The following GLIS3 variants were observed in gnomAD, a reference collection of about 807,000 sequenced individuals.
GLIS3 encodes the protein zinc finger protein GLIS3.
GLIS3 carries 53 observed loss-of-function variants against 78.6 expected under a neutral mutation model. The observed-to-expected ratio is 0.67, with a 90% CI of 0.54 to 0.85. GLIS3 has a LOEUF of 0.85. GLIS3 is among the 40% of genes least tolerant of loss of function. The pLI is 0.00. For synonymous variants in GLIS3, 684 were observed against 509.9 expected (o/e 1.34, Z -4.60); for missense variants, 1,703 against 1,231.1 (o/e 1.38, Z -5.74).
intron 4 of GLIS3, among the ~76,000 whole-genome samples, chr9:4,075,827 T>C (rs1828002323): frequency 6.6e-6 from 1 of 151,938 alleles, no homozygotes; most frequent in Non-Finnish European, 1.5e-5. Flanking sequence ...TCAAGAACAT[T>C]ATACTGAGGA....
chr9:3,824,703 C>G lies in GLIS3; in HGVS notation c.*3569G>C, dbSNP rs913075531. 3 of 152,496 alleles carry G rather than the reference C, an allele frequency of 2.0e-5. No individual in the cohort carries two copies. The highest frequency in any genetic ancestry group is 7.2e-5 in the African/African-American group (3 of 41,382). The allele number at this position is 152,496 out of a possible 1,614,324, so 9.4% of individuals were successfully genotyped here. On this transcript the variant is annotated 3_prime_UTR_variant, in exon 11 of 11. Transcript: ENST00000381971. ...CTCTAGAGTAAAATCGGCCCCATATCCAGTATGATATATGCAGTTCATTTC... is the reference window on the plus strand; with the variant it reads ...CTCTAGAGTAAAATCGGCCCCATATGCAGTATGATATATGCAGTTCATTTC...
intron 2 of GLIS3, among the ~76,000 whole-genome samples, chr9:4,326,456 A>G (rs10758607): frequency 0.29 from 43,723 of 152,072 alleles, 8,029 homozygotes; most frequent in African/African-American, 0.53. Flanking sequence ...GTCACAAAAA[A>G]ATACTGTGAG....
the GLIS3 span, among the ~76,000 whole-genome samples, chr9:4,385,402 G>A: frequency 2.6e-5 from 4 of 152,284 alleles, no homozygotes; most frequent in East Asian, 1.9e-4. Context: ...AGTGGCTCAC[G>A]CCTATAATCC....
At chr9:3,867,995 C>CAG (rs1192948881) in intron 8 of GLIS3, among the ~76,000 whole-genome samples, 2 of 152,126 alleles carry the variant, frequency 1.3e-5, no homozygotes, top group Non-Finnish European at 2.9e-5. Context: ...GGGACACTAC[C>CAG]AGAGGATGAC....
the GLIS3 span, among the ~76,000 whole-genome samples, chr9:4,458,283 A>G: frequency 6.6e-6 from 1 of 152,330 alleles, no homozygotes; most frequent in East Asian, 1.9e-4. Context: ...CATGGCATGC[A>G]TTGTTCTAGG....
intron 2 of GLIS3, among the ~76,000 whole-genome samples, chr9:4,152,894 G>C (rs945952473): frequency 7.9e-5 from 12 of 152,194 alleles, no homozygotes; most frequent in African/African-American, 2.9e-4. Context: ...TTCTGGAGGA[G>C]AAAGCAACAT....
At chr9:4,106,396 G>A (rs543970131) in intron 4 of GLIS3, among the ~76,000 whole-genome samples, 2 of 152,272 alleles carry the variant, frequency 1.3e-5, no homozygotes, top group Admixed American at 6.5e-5. Context: ...TAAGAAGGGC[G>A]AATGCCGGTA....
At chr9:4,345,830 G>T (rs531605028) in intron 2 of GLIS3, among the ~76,000 whole-genome samples, 2 of 152,206 alleles carry the variant, frequency 1.3e-5, no homozygotes, top group African/African-American at 4.8e-5. Context: ...TTGGGGAAGT[G>T]GGGAGTAAGG....
rs767988875 is a variant in GLIS3, at chr9:4,286,410, A to C, written c.16T>G (p.Cys6Gly). The C allele has an allele frequency of 4.1e-5, 66 of 1,613,998 alleles. No homozygotes were observed. Among genetic ancestry groups the C allele is most frequent in the Non-Finnish European group, 5.4e-5 (64 of 1,180,058 alleles). Residue 6 changes from cysteine (C) to glycine (G), a missense_variant, in exon 2 of 11, where the codon TGC becomes GGC. Transcript: ENST00000381971. ...GATGTCCGGTGGAGACTCATGCTGC[A>C]TGATCTTCCATTCATTCTGAAAAAC... MNGRS[C>G]SMSLHRTSGT...
chr9:4,181,680 G>A (rs141537893), intron 2 of GLIS3, among the ~76,000 whole-genome samples: 161 of 152,334 alleles, frequency 1.1e-3, no homozygotes, highest in Admixed American at 4.1e-3. Flanking sequence ...CTTTGAAGCC[G>A]TACTTCACTG....
At chr9:4,215,327 ATGTGTGTGTG>A (rs34915075) in intron 2 of GLIS3, among the ~76,000 whole-genome samples, 7 of 150,444 alleles carry the variant, frequency 4.7e-5, no homozygotes, top group African/African-American at 1.2e-4. Flanking sequence ...GTGTGTGCAT[ATGTGTGTGTG>A]TGTGTGTGTG....
intron 6 of GLIS3, among the ~76,000 whole-genome samples, chr9:3,931,216 C>G (rs1825589120): frequency 6.6e-6 from 1 of 151,982 alleles, no homozygotes; most frequent in Non-Finnish European, 1.5e-5. Context: ...TTCTAACTCA[C>G]AGGGAAAGGG....
At chr9:4,368,299 A>T in the GLIS3 span, among the ~76,000 whole-genome samples, 1 of 152,010 alleles carries the variant, frequency 6.6e-6, no homozygotes, top group African/African-American at 2.4e-5. Flanking sequence ...CGAGGCAGAG[A>T]AATGAAAGAG....
chr9:4,325,507 A>AC (rs1817585849), intron 2 of GLIS3, among the ~76,000 whole-genome samples: 1 of 152,120 alleles, frequency 6.6e-6, no homozygotes, highest in South Asian at 2.1e-4. Flanking sequence ...AACCATCCCT[A>AC]CTTCACCTTC....
the GLIS3 span, among the ~76,000 whole-genome samples, chr9:4,407,781 A>G: frequency 6.6e-6 from 1 of 152,238 alleles, no homozygotes; most frequent in Non-Finnish European, 1.5e-5. Context: ...CATCAAGTTA[A>G]AAAGCTTCTG....
At chr9:4,297,573 T>A (rs1413709346) in intron 1 of GLIS3, among the ~76,000 whole-genome samples, 2 of 152,152 alleles carry the variant, frequency 1.3e-5, no homozygotes, top group Non-Finnish European at 2.9e-5. Flanking sequence ...TTCTGCCGGC[T>A]CGGGGAGAGG....
At chr9:4,477,613 T>A in the GLIS3 span, among the ~76,000 whole-genome samples, 1 of 152,034 alleles carries the variant, frequency 6.6e-6, no homozygotes, top group Non-Finnish European at 1.5e-5. Flanking sequence ...AAGGTCTCCC[T>A]ATGTTGCCCA....
chr9:4,412,999 T>C, the GLIS3 span, among the ~76,000 whole-genome samples: 3 of 152,232 alleles, frequency 2.0e-5, no homozygotes, highest in Admixed American at 6.5e-5. Flanking sequence ...ACACTTAATA[T>C]GAATAAGAAA....
At chr9:4,227,938 G>A (rs547340049) in intron 2 of GLIS3, among the ~76,000 whole-genome samples, 1 of 152,196 alleles carries the variant, frequency 6.6e-6, no homozygotes, top group Non-Finnish European at 1.5e-5. Context: ...ACTTTGTGTT[G>A]AAATTGTTTG....
Sources: allele counts gnomAD v4.1 joint callset (sites outside exome capture counted in the v4.1 genomes callset), GRCh38; gene constraint gnomAD v4.1.1; transcripts MANE v1.5; gene names NCBI Gene and HGNC (gene_info 2026-07-23, HGNC 2026-07-21).